The following MTMR8 variants were observed in gnomAD, a reference collection of about 807,000 sequenced individuals.
MTMR8 encodes the protein myotubularin related protein 8, also known as phosphatidylinositol-3,5-bisphosphate 3-phosphatase MTMR8.
MTMR8 carries 65 observed loss-of-function variants against 39.3 expected under a neutral mutation model. That is an observed-to-expected ratio of 1.65 (90% confidence interval 1.35 to 2.03). The LOEUF (loss-of-function observed/expected upper bound fraction) is 2.03. Ranked by LOEUF, MTMR8 falls within the 30% of genes most tolerant of loss-of-function variation. The pLI, the probability that MTMR8 is intolerant of heterozygous loss-of-function variation, is 0.00. For synonymous variants in MTMR8, 245 were observed against 185.2 expected, an observed-to-expected ratio of 1.32 and a Z score of -2.62; for missense variants, 777 against 538.9, an observed-to-expected ratio of 1.44 and a Z score of -4.37.
chrX:64,385,266 C>T (rs1467050680), intron 1 of MTMR8, among the ~76,000 whole-genome samples: 1 of 111,832 alleles, frequency 8.9e-6, no homozygotes, highest in African/African-American at 3.3e-5. Context: ...TCAGCCTGGA[C>T]TTCATTGTCC....
Position 64,395,446 on chromosome X carries a change from G to C in MTMR8, c.-83C>G. 9.5e-7 allele frequency: 1 copy of C among 1,051,096 alleles called. No homozygotes were observed. The highest frequency in any genetic ancestry group is 1.3e-6 in the Non-Finnish European group (1 of 757,521). The allele number at this position is 1,051,096 out of a possible 1,213,427, so 86.6% of individuals were successfully genotyped here. ...GTCTAGCCGCCTCCTGCCTCAACCCGGGTTTCTACCCCCGCCCTCCCGGTC... is the reference window on the plus strand; with the variant it reads ...GTCTAGCCGCCTCCTGCCTCAACCCCGGTTTCTACCCCCGCCCTCCCGGTC... On this transcript the variant is annotated 5_prime_UTR_variant, in exon 1 of 14. Coordinates refer to ENST00000374852, the MANE Select transcript of MTMR8 (RefSeq NM_017677.4).
chrX:64,301,656 C>A (rs1417348494), intron 12 of MTMR8, among the ~76,000 whole-genome samples: 2 of 111,546 alleles, frequency 1.8e-5, no homozygotes, highest in African/African-American at 3.3e-5. Context: ...AGGTGCTCTG[C>A]GTTTTAGAGT....
At chrX:64,348,908 G>T in intron 5 of MTMR8, 114 bp from the exon 6 acceptor site, 2 of 820,694 alleles carry the variant, frequency 2.4e-6, no homozygotes, top group Non-Finnish European at 3.5e-6. Context: ...ACTTAAGATA[G>T]TGTCCAAAGC....
chrX:64,322,001 G>A (rs1169719432), intron 12 of MTMR8, among the ~76,000 whole-genome samples: 1 of 110,754 alleles, frequency 9.0e-6, no homozygotes, highest in African/African-American at 3.3e-5. Flanking sequence ...TCCTTGGGAT[G>A]AATTATGTTT....
intron 11 of MTMR8, among the ~76,000 whole-genome samples, chrX:64,329,392 C>T (rs1922884826): frequency 9.0e-6 from 1 of 111,488 alleles, no homozygotes; most frequent in Admixed American, 9.6e-5. Flanking sequence ...TTACTTAAAG[C>T]CAGCTACTTC....
intron 1 of MTMR8, among the ~76,000 whole-genome samples, chrX:64,374,943 G>C (rs183641386): frequency 9.0e-4 from 97 of 107,577 alleles, no homozygotes; most frequent in Non-Finnish European, 1.7e-3. Context: ...AATAAGGAAG[G>C]ATTCTCCCTT....
chrX:64,299,765 T>C (rs1179994630), intron 12 of MTMR8, among the ~76,000 whole-genome samples: 1 of 101,225 alleles, frequency 9.9e-6, no homozygotes, highest in African/African-American at 3.6e-5. Flanking sequence ...GTCCCAGAGA[T>C]TCTGGTATGT....
chrX:64,306,223 G>A, intron 12 of MTMR8: 1 of 334,646 alleles, frequency 3.0e-6, no homozygotes. Flanking sequence ...CACACTGCTT[G>A]CTCACAAACA....
chrX:64,391,187 C>T (rs1228013320), intron 1 of MTMR8, among the ~76,000 whole-genome samples: 2 of 112,287 alleles, frequency 1.8e-5, no homozygotes, highest in Non-Finnish European at 3.8e-5. Context: ...CTCAGTGTAA[C>T]ATTCAAAGTC....
intron 12 of MTMR8, among the ~76,000 whole-genome samples, chrX:64,317,685 C>T (rs1265973004): frequency 8.9e-6 from 1 of 111,955 alleles, no homozygotes. Flanking sequence ...GGTCTGATGG[C>T]TGATTTTCAA....
At chrX:64,303,300 C>T (rs1921965884) in intron 12 of MTMR8, among the ~76,000 whole-genome samples, 1 of 111,895 alleles carries the variant, frequency 8.9e-6, no homozygotes, top group Admixed American at 9.5e-5. Context: ...TTCTCCAAGA[C>T]AGCCTAGCTT....
At chrX:64,375,559 T>G (rs1231653185) in intron 1 of MTMR8, among the ~76,000 whole-genome samples, 1 of 111,009 alleles carries the variant, frequency 9.0e-6, no homozygotes, top group Non-Finnish European at 1.9e-5. Context: ...AATGCAATAG[T>G]ATTAACAGGT....
chrX:64,305,397 A>T, intron 12 of MTMR8: 1 of 249,795 alleles, frequency 4.0e-6, no homozygotes, highest in Non-Finnish European at 7.4e-6. Flanking sequence ...TCTTGGTACA[A>T]TATTGGCATC....
chrX:64,302,357 A>C (rs754473203), intron 12 of MTMR8, among the ~76,000 whole-genome samples: 1 of 112,143 alleles, frequency 8.9e-6, no homozygotes, highest in South Asian at 3.7e-4. Context: ...CCTTTCTTTG[A>C]TTCGGAAAGG....
Position 64,395,190 on chromosome X carries a change from G to C in MTMR8, c.24+150C>G, listed in dbSNP as rs1924788391. The C allele has an allele frequency of 9.0e-6, 5 of 555,290 alleles. No homozygotes were observed. In the South Asian group the frequency reaches 1.5e-4, roughly 16 times the overall value. 45.8% of individuals were successfully genotyped at this position (555,290 alleles called of 1,213,427 possible). On this transcript the variant is annotated intron_variant, in intron 1 of 13. Transcript: ENST00000374852. ...CTAAGAAGAGGTGTTTGGTTGAAAG[G>C]GGGTGTGGACCCAGAAAGAGAACCC...
At chrX:64,284,674 A>C (rs971381580) in intron 12 of MTMR8, among the ~76,000 whole-genome samples, 1 of 111,768 alleles carries the variant, frequency 8.9e-6, no homozygotes, top group East Asian at 2.8e-4. Flanking sequence ...AATATTCAAC[A>C]TTCTTAAAGA....
intron 1 of MTMR8, among the ~76,000 whole-genome samples, chrX:64,371,536 C>T (rs2147241295): frequency 9.0e-6 from 1 of 111,064 alleles, no homozygotes; most frequent in African/African-American, 3.3e-5. Context: ...GACCCAATAC[C>T]CTACTGTTAG....
chrX:64,352,142 G>A (rs184519293), intron 4 of MTMR8, among the ~76,000 whole-genome samples: 3 of 111,444 alleles, frequency 2.7e-5, no homozygotes, highest in Admixed American at 9.5e-5. Flanking sequence ...TAAGCAGAAC[G>A]TGCCTATGTG....
intron 1 of MTMR8, among the ~76,000 whole-genome samples, chrX:64,363,123 C>T (rs1393252089): frequency 2.7e-5 from 3 of 111,643 alleles, no homozygotes; most frequent in African/African-American, 9.8e-5. Context: ...TCCACTACAA[C>T]CAGGGGGTTA....
Sources: allele counts gnomAD v4.1 joint callset (sites outside exome capture counted in the v4.1 genomes callset), GRCh38; gene constraint gnomAD v4.1.1; transcripts MANE v1.5; gene names NCBI Gene and HGNC (gene_info 2026-07-23, HGNC 2026-07-21).